Variants in MAST3 observed in about 807,000 individuals in gnomAD.
MAST3 encodes the protein microtubule associated serine/threonine kinase 3.
A neutral mutation model predicts 127.0 loss-of-function variants in MAST3; 43 were observed. That is an observed-to-expected ratio of 0.34 (90% CI 0.27 to 0.44). The LOEUF (loss-of-function observed/expected upper bound fraction) is 0.44. Ranked by LOEUF, MAST3 falls within the 20% of genes least tolerant of loss-of-function variation. MAST3 has a pLI of 1.00. For missense variants in MAST3, 1,390 were observed against 1,919.1 expected, an observed-to-expected ratio of 0.72 and a Z score of 5.15; for synonymous variants, 785 against 809.2, an observed-to-expected ratio of 0.97 and a Z score of 0.51.
At chr19:18,103,656 C>G (rs1034364583) in intron 1 of MAST3, among the ~76,000 whole-genome samples, 2 of 152,220 alleles carry the variant, frequency 1.3e-5, no homozygotes, top group African/African-American at 4.8e-5. Flanking sequence ...AAGTCTCCCC[C>G]AGCACCAGGC....
chr19:18,147,935 C>G (rs2043197554), intron 27 of MAST3, among the ~76,000 whole-genome samples: 2 of 152,144 alleles, frequency 1.3e-5, no homozygotes, highest in Admixed American at 1.3e-4. Flanking sequence ...GCAGGAGGAT[C>G]ACTGAGCCCA....
At chr19:18,103,676 G>T (rs1295670065) in intron 1 of MAST3, among the ~76,000 whole-genome samples, 1 of 152,178 alleles carries the variant, frequency 6.6e-6, no homozygotes, top group Non-Finnish European at 1.5e-5. Context: ...CTCTGAGCTT[G>T]CTACTCATTG....
chr19:18,129,244 G>T, intron 13 of MAST3: 1 of 421,362 alleles, frequency 2.4e-6, no homozygotes. Flanking sequence ...GGAGTAGCAC[G>T]CAGTGAGCTT....
Position 18,144,611 on chromosome 19 carries a change from C to T in MAST3, c.2730C>T (p.Ser910=). 1 of 1,611,696 alleles carries T rather than the reference C, an allele frequency of 6.2e-7. No homozygotes were observed. The highest frequency in any genetic ancestry group is 1.1e-5 in the South Asian group (1 of 91,048). The change falls in exon 23 of 28, where the codon TCC becomes TCT. Residue 910 remains serine, a synonymous_variant. Coordinates refer to ENST00000687212, the MANE Select transcript of MAST3 (RefSeq NM_001393504.1). The surrounding 1 kb of genome is among the most constrained non-coding windows in gnomAD (Gnocchi z 4.0). ...CCCCTGAGAAGTCCAGAGCCTCCTC[C>T]AGCGGTGGCAGTGGTGGCGGCAGTG... is the stretch of plus-strand genomic sequence containing the variant. The part of the protein sequence containing the change: ...DPAPEKSRAS[S]SGGSGGGSGG...
chr19:18,124,300 C>G lies in MAST3; in HGVS notation c.879C>G (p.Phe293Leu). 6.2e-7 allele frequency: 1 copy of G among 1,609,560 alleles called. No individual in the cohort carries two copies. Among genetic ancestry groups the G allele is most frequent in the Middle Eastern group, 1.7e-4 (1 of 6,058 alleles). The part of the protein sequence containing the change: ...HERSDSEEVS[F>L]IVQLVRKLLI... The stretch of plus-strand genomic sequence containing the variant: ...GTTCGGACAGTGAGGAGGTCAGCTT[C>G]ATCGTCCAGCTTGTCCGGAAACTGC... The change falls in exon 10 of 28, where the codon TTC (phenylalanine) becomes TTG (leucine). Residue 293 changes from phenylalanine to leucine, a missense_variant. Physicochemically the swap from Phe to Leu is conservative, Grantham distance 22. Transcript: ENST00000687212.
At chr19:18,121,639 C>A in intron 3 of MAST3, 46 bp from the exon 4 acceptor site, 1 of 1,534,086 alleles carries the variant, frequency 6.5e-7, no homozygotes, top group East Asian at 2.3e-5. Flanking sequence ...TGGCTTAGCG[C>A]GGGGCCCTGG....
Position 18,144,350 on chromosome 19 carries a change from C to A in MAST3, c.2585-116C>A. On this transcript the variant is annotated intron_variant, in intron 22 of 27. Transcript: ENST00000687212. The surrounding 1 kb of genome is among the most constrained non-coding windows in gnomAD (Gnocchi z 4.0). ...GTGCAGGAAGAGGGAACTGCATGAG[C>A]AAAGGCCAGGAGGCTGGACTGTGTA... is the stretch of plus-strand genomic sequence containing the variant. 2 of 917,578 alleles carry A rather than the reference C, an allele frequency of 2.2e-6. No individual in the cohort carries two copies. Among genetic ancestry groups the A allele is most frequent in the Non-Finnish European group, 3.3e-6 (2 of 606,070 alleles). The allele number at this position is 917,578 out of a possible 1,614,324, so 56.8% of individuals were successfully genotyped here.
chr19:18,108,754 G>A (rs780249150), intron 2 of MAST3, among the ~76,000 whole-genome samples: 1 of 152,178 alleles, frequency 6.6e-6, no homozygotes, highest in Non-Finnish European at 1.5e-5. Context: ...ACCAAAGGCC[G>A]GGGTGGGGAG....
intron 7 of MAST3, 36 bp downstream of exon 7, chr19:18,123,410 C>A: frequency 6.3e-7 from 1 of 1,580,268 alleles, no homozygotes; most frequent in Non-Finnish European, 8.6e-7. Context: ...CCCGGCCCCT[C>A]CCTGGGCTGG....
At position 18,098,462 on chromosome 19, in the gene MAST3, C is replaced by T. The variant is rs367987087; in HGVS notation, c.39+631C>T. Among the ~76,000 whole-genome samples, 25 of 152,244 alleles carry T rather than the reference C, an allele frequency of 1.6e-4. No individual in the cohort carries two copies. The East Asian group carries it at 4.8e-3, about 29-fold the overall frequency. On this transcript the variant is annotated intron_variant, in intron 1 of 27. Transcript: ENST00000687212. ...GGAGGGCACCCTTGCTTCTCTGGGCCTCAGTTTTCCAATGAGCCATAGGGT... is the reference window on the plus strand; with the variant it reads ...GGAGGGCACCCTTGCTTCTCTGGGCTTCAGTTTTCCAATGAGCCATAGGGT...
At chr19:18,140,752 C>G (rs1351798313) in intron 20 of MAST3, among the ~76,000 whole-genome samples, 4 of 152,132 alleles carry the variant, frequency 2.6e-5, no homozygotes. Context: ...ACATTTGGGT[C>G]TATTCCACCT....
Position 18,134,567 on chromosome 19 carries a change from AC to A in MAST3, c.1572-10del, listed in dbSNP as rs1411651561. The A allele has an allele frequency of 1.2e-6, 2 of 1,607,852 alleles. No homozygotes were observed. Among genetic ancestry groups the A allele is most frequent in the Non-Finnish European group, 1.7e-6 (2 of 1,176,174 alleles). On this transcript the variant is annotated splice_polypyrimidine_tract_variant and intron_variant, in intron 15 of 27. Transcript: ENST00000687212. ...CCCCCCAGCTCTGAGCACACTCCTA[AC>A]CTGCCCACAGTCTGCTCATCACCTC...
rs879202091 is a variant in MAST3 at position 18,131,991 on chromosome 19, G to A, written c.1515G>A (p.Leu505=). 1 of 1,614,206 alleles carries A rather than the reference G, an allele frequency of 6.2e-7. No individual in the cohort carries two copies. Among genetic ancestry groups the A allele is most frequent in the South Asian group, 1.1e-5 (1 of 91,084 alleles). ...MARLYFAETV[L]ALEYLHNYGI... ...GCCTGTACTTCGCCGAGACGGTGTT[G>A]GCGCTGGAGTACCTGCATAACTATG... Residue 505 remains leucine (L), a synonymous_variant, in exon 15 of 28, where the codon TTG becomes TTA. Transcript: ENST00000687212.
chr19:18,122,173 G>A (rs2040067961), intron 5 of MAST3: 1 of 970,294 alleles, frequency 1.0e-6, no homozygotes, highest in Non-Finnish European at 1.2e-6. Flanking sequence ...GGGGGATATA[G>A]CCCTAAGAAT....
At chr19:18,121,794 C>T (rs1599740182) in intron 4 of MAST3, 21 bp downstream of exon 4, 5 of 1,613,716 alleles carry the variant, frequency 3.1e-6, no homozygotes, top group East Asian at 2.2e-5. Flanking sequence ...GAGCAGCCAG[C>T]GGGTGCTGTG....
intron 11 of MAST3, 93 bp from the exon 12 acceptor site, chr19:18,128,307 C>A (rs556726439): frequency 1.0e-6 from 1 of 1,002,072 alleles, no homozygotes; most frequent in Non-Finnish European, 1.5e-6. Flanking sequence ...CATCCCCAGC[C>A]TGGGGTGAGA....
At chr19:18,127,449 C>T (rs942253483) in intron 11 of MAST3, among the ~76,000 whole-genome samples, 1 of 151,984 alleles carries the variant, frequency 6.6e-6, no homozygotes, top group African/African-American at 2.4e-5. Flanking sequence ...TTTGGGAGGC[C>T]GAGGCAGGCG....
At chr19:18,106,938 G>A (rs1354501488) in intron 1 of MAST3, among the ~76,000 whole-genome samples, 1 of 143,054 alleles carries the variant, frequency 7.0e-6, no homozygotes, top group African/African-American at 2.6e-5. Context: ...GTAGCTAGGA[G>A]TACAGGCTTG....
In MAST3 at chr19:18,150,023, G is replaced by C. The variant is rs552191751; in HGVS notation, c.*297G>C. 24 of 285,502 alleles carry C rather than the reference G, an allele frequency of 8.4e-5. No homozygotes were observed. The highest frequency in any genetic ancestry group is 4.6e-4 in the South Asian group (14 of 30,392). 17.7% of individuals were successfully genotyped at this position (285,502 alleles called of 1,614,324 possible). On this transcript the variant is annotated 3_prime_UTR_variant, in exon 28 of 28. Transcript: ENST00000687212. ...TTTTTTTGAGACAGAGTCTCACTCTGTTGCCCGGGCTGGAGTGCAGCGGCG... is the reference window on the plus strand; with the variant it reads ...TTTTTTTGAGACAGAGTCTCACTCTCTTGCCCGGGCTGGAGTGCAGCGGCG...
Sources: gnomAD v4.1 joint callset for allele counts (sites outside exome capture counted in the v4.1 genomes callset) on GRCh38, gnomAD v4.1.1 for gene constraint, Gnocchi (gnomAD v3.1) non-coding constraint, MANE v1.5 for transcripts, NCBI Gene and HGNC (gene_info 2026-07-23, HGNC 2026-07-21) for gene names.